Variants in CRYL1 observed in about 807,000 individuals in gnomAD.
The protein encoded by CRYL1 is crystallin lambda 1.
CRYL1 carries 29 observed loss-of-function variants against 36.6 expected under a neutral mutation model. The observed-to-expected ratio is 0.79, with a 90% CI of 0.59 to 1.08. CRYL1 has a LOEUF of 1.08. Ranked by LOEUF, CRYL1 falls within the 50% of genes least tolerant of loss-of-function variation. The probability of loss-of-function intolerance (pLI) is 0.00; values close to 1 mark genes in which losing one functional copy is unlikely to be tolerated. For synonymous variants in CRYL1, 152 were observed against 151.5 expected, an observed-to-expected ratio of 1.00 and a Z score of -0.02; for missense variants, 411 against 407.9, an observed-to-expected ratio of 1.01 and a Z score of -0.06.
At chr13:20,428,115 C>T (rs1441207457) in intron 5 of CRYL1, among the ~76,000 whole-genome samples, 1 of 152,114 alleles carries the variant, frequency 6.6e-6, no homozygotes, top group East Asian at 1.9e-4. Flanking sequence ...ACAAAAAGTA[C>T]ACACAATCTC....
chr13:20,490,575 A>G (rs980339926), intron 2 of CRYL1, among the ~76,000 whole-genome samples: 11 of 152,140 alleles, frequency 7.2e-5, no homozygotes, highest in African/African-American at 2.4e-4. Flanking sequence ...TTAAAATATT[A>G]AGGGAAATTT....
chr13:20,473,225 C>A (rs866380084), intron 3 of CRYL1, among the ~76,000 whole-genome samples: 1 of 152,240 alleles, frequency 6.6e-6, no homozygotes, highest in Non-Finnish European at 1.5e-5. Flanking sequence ...TGTACAGCCA[C>A]GAACAGGAGC....
chr13:20,492,268 T>C (rs932308321), intron 2 of CRYL1, among the ~76,000 whole-genome samples: 8 of 152,244 alleles, frequency 5.3e-5, no homozygotes, highest in African/African-American at 7.2e-5. Flanking sequence ...AAACATACTA[T>C]AAAACCACTG....
At chr13:20,405,352 C>T (rs888161616) in intron 6 of CRYL1, among the ~76,000 whole-genome samples, 56 of 152,142 alleles carry the variant, frequency 3.7e-4, no homozygotes, top group African/African-American at 8.9e-4. Context: ...TCCGGTTGGC[C>T]TGCGTTCACA....
At chr13:20,474,101 C>T (rs111841034) in intron 3 of CRYL1, among the ~76,000 whole-genome samples, 7 of 152,172 alleles carry the variant, frequency 4.6e-5, no homozygotes, top group African/African-American at 9.7e-5. Flanking sequence ...GGCATGGGCA[C>T]GTCCTGAATT....
At chr13:20,430,480 T>C (rs1047703728) in intron 5 of CRYL1, 1 of 985,220 alleles carries the variant, frequency 1.0e-6, no homozygotes, top group African/African-American at 1.7e-5. Context: ...CCATGACCCA[T>C]GAAGAGGGAC....
intron 3 of CRYL1, among the ~76,000 whole-genome samples, chr13:20,474,806 C>T (rs989186366): frequency 6.6e-6 from 1 of 152,140 alleles, no homozygotes; most frequent in African/African-American, 2.4e-5. Flanking sequence ...CGTCACCTGC[C>T]TGGACTTGCC....
chr13:20,405,636 G>A (rs2031350350), intron 6 of CRYL1, among the ~76,000 whole-genome samples: 1 of 152,134 alleles, frequency 6.6e-6, no homozygotes, highest in Non-Finnish European at 1.5e-5. Flanking sequence ...GGAGCCAGGC[G>A]CTCATCTGCA....
rs9552182 is a variant in CRYL1 at position 20,439,856 on chromosome 13, A to C, written c.277-102T>G. 0.25 allele frequency: 290,706 copies of C among 1,179,516 alleles called. 37,151 individuals are homozygous for C. The highest frequency in any genetic ancestry group is 0.4 in the East Asian group (16,864 of 42,408). The allele number at this position is 1,179,516 out of a possible 1,614,324, so 73.1% of individuals were successfully genotyped here. On this transcript the variant is annotated intron_variant, in intron 3 of 7. Coordinates refer to ENST00000298248, the MANE Select transcript of CRYL1 (RefSeq NM_015974.3). Reference sequence around the variant, plus strand: ...ATTCCTCAAATGAACCACTTTGAAAATGATGAGGTTCAAGACGTGTTATCC... The same window carrying C: ...ATTCCTCAAATGAACCACTTTGAAACTGATGAGGTTCAAGACGTGTTATCC...
At chr13:20,507,353 T>C (rs1240117566) in intron 2 of CRYL1, among the ~76,000 whole-genome samples, 1 of 152,234 alleles carries the variant, frequency 6.6e-6, no homozygotes, top group African/African-American at 2.4e-5. Context: ...TGTCTATGGC[T>C]GCTTTTACTT....
rs61380702 is a variant in CRYL1 at position 20,505,359 on chromosome 13, C to CAAAAAAA, written c.149+7077_149+7083dup. On this transcript the variant is annotated intron_variant, in intron 2 of 7. Transcript: ENST00000298248. ...GCAACAAAGTGAGACTCTATCCCAC[C>CAAAAAAA]AAAAAAAAAAAAAAAAAAAAAAATC... 9.9e-5 allele frequency among the ~76,000 whole-genome samples: 9 copies of CAAAAAAA among 91,224 alleles called. No individual in the cohort carries two copies. In the South Asian group the frequency reaches 1.9e-3, roughly 19 times the overall value. The allele number at this position is 91,224 out of a possible 152,430, so 59.8% of individuals were successfully genotyped here.
chr13:20,455,652 C>G (rs1407350219), intron 3 of CRYL1, among the ~76,000 whole-genome samples: 1 of 152,036 alleles, frequency 6.6e-6, no homozygotes, highest in Non-Finnish European at 1.5e-5. Context: ...AGACTCAATA[C>G]TGTTAACACA....
rs191727596 is a variant in CRYL1, at chr13:20,436,950, T to A, written c.438+2643A>T. Among the ~76,000 whole-genome samples, 377 of 151,898 alleles carry A rather than the reference T, an allele frequency of 2.5e-3. 1 individual carries two copies. The highest frequency in any genetic ancestry group is 4.2e-3 in the Non-Finnish European group (283 of 67,962). ...TGGTTCCTCAGAGATTACAAATGGGTCTTGATTCTGTAGGGACTGCCTGTC... is the reference window on the plus strand; with the variant it reads ...TGGTTCCTCAGAGATTACAAATGGGACTTGATTCTGTAGGGACTGCCTGTC... On this transcript the variant is annotated intron_variant, in intron 4 of 7. Transcript: ENST00000298248.
At chr13:20,420,702 TGTGTGTGTGTGTGTG>T (rs2031783946) in intron 5 of CRYL1, among the ~76,000 whole-genome samples, 1 of 93,230 alleles carries the variant, frequency 1.1e-5, no homozygotes, top group African/African-American at 4.2e-5. Context: ...AAATAGAGGT[TGTGTGTGTGTGTGTG>T]TGTGTGTGTG....
At chr13:20,460,589 T>TTG (rs1565971794) in intron 3 of CRYL1, among the ~76,000 whole-genome samples, 1 of 141,288 alleles carries the variant, frequency 7.1e-6, no homozygotes. Context: ...GCAGTGGCGC[T>TTG]ATCTCGGCTC....
intron 3 of CRYL1, among the ~76,000 whole-genome samples, chr13:20,465,794 C>A (rs537862832): frequency 1.3e-5 from 2 of 152,306 alleles, no homozygotes; most frequent in East Asian, 3.9e-4. Context: ...TCCTCCAAAT[C>A]TCATGATAAA....
chr13:20,498,934 CCAACA>C (rs574779559), intron 2 of CRYL1, among the ~76,000 whole-genome samples: 3 of 152,150 alleles, frequency 2.0e-5, no homozygotes, highest in Non-Finnish European at 4.4e-5. Flanking sequence ...GACAGACTTC[CCAACA>C]GCAAAATATC....
intron 4 of CRYL1, among the ~76,000 whole-genome samples, chr13:20,439,294 T>C (rs1254164448): frequency 6.6e-6 from 1 of 152,040 alleles, no homozygotes; most frequent in African/African-American, 2.4e-5. Context: ...CTCAAAGCAG[T>C]CCTCACTCTA....
At position 20,435,718 on chromosome 13, in the gene CRYL1, C is replaced by T. The variant is rs535111016; in HGVS notation, c.439-3422G>A. Among the ~76,000 whole-genome samples, 66 of 152,338 alleles carry T rather than the reference C, an allele frequency of 4.3e-4. No individual in the cohort carries two copies. Among genetic ancestry groups the T allele is most frequent in the East Asian group, 1.2e-3 (6 of 5,166 alleles). On this transcript the variant is annotated intron_variant, in intron 4 of 7. Transcript: ENST00000298248. The surrounding 1 kb of genome is among the most constrained non-coding windows in gnomAD (Gnocchi z 4.0). ...GCGCAGGGGCCTGGGCCTGCGCAGG[C>T]CGGCGGAGCACAAGGGACGCATTCT...
Sources: gnomAD v4.1 joint callset for allele counts (sites outside exome capture counted in the v4.1 genomes callset) on GRCh38, gnomAD v4.1.1 for gene constraint, Gnocchi (gnomAD v3.1) non-coding constraint, MANE v1.5 for transcripts, NCBI Gene and HGNC (gene_info 2026-07-23, HGNC 2026-07-21) for gene names.